Variants in E2F3 observed in about 807,000 individuals in gnomAD.
The protein encoded by E2F3 is E2F transcription factor 3, also known as transcription factor E2F3.
E2F3 carries 11 observed loss-of-function variants against 44.4 expected under a neutral mutation model. The ratio of observed to expected loss-of-function variants is 0.25; its 90% CI spans 0.16 to 0.41. The LOEUF is 0.41. Among genes scored for constraint, E2F3 ranks in the 10% least tolerant of loss-of-function variants. The pLI is 1.00. For synonymous variants in E2F3, 249 were observed against 253.0 expected, an observed-to-expected ratio of 0.98 and a Z score of 0.15; for missense variants, 487 against 583.6, an observed-to-expected ratio of 0.83 and a Z score of 1.70.
chr6:20,416,181 T>C (rs946348022), intron 1 of E2F3, among the ~76,000 whole-genome samples: 1 of 152,212 alleles, frequency 6.6e-6, no homozygotes, highest in African/African-American at 2.4e-5. Context: ...ATCATTATTG[T>C]GGTTGTCATT....
In E2F3 at chr6:20,454,063, C is replaced by G. The variant is rs117008644; in HGVS notation, c.394-25783C>G. 3.3e-5 allele frequency among the ~76,000 whole-genome samples: 5 copies of G among 152,332 alleles called. No individual in the cohort carries two copies. In the East Asian group the frequency reaches 9.6e-4, roughly 29 times the overall value. On this transcript the variant is annotated intron_variant, in intron 1 of 6. Coordinates refer to ENST00000346618, the MANE Select transcript of E2F3 (RefSeq NM_001949.5). Reference sequence around the variant, plus strand: ...TCTTAAGACCCTGTCTCCTTTCACTCAAAGTATTTGTCTCTTTATCACAAA... The same window carrying G: ...TCTTAAGACCCTGTCTCCTTTCACTGAAAGTATTTGTCTCTTTATCACAAA...
At chr6:20,416,316 G>C (rs548157542) in intron 1 of E2F3, among the ~76,000 whole-genome samples, 1 of 152,122 alleles carries the variant, frequency 6.6e-6, no homozygotes, top group Non-Finnish European at 1.5e-5. Context: ...CCACAGGGCC[G>C]GCTGACCCAT....
intron 1 of E2F3, among the ~76,000 whole-genome samples, chr6:20,463,148 G>C (rs890584100): frequency 1.3e-5 from 2 of 151,872 alleles, no homozygotes; most frequent in Non-Finnish European, 2.9e-5. Flanking sequence ...TTGAACTCCT[G>C]GTCTCAAGTG....
At chr6:20,461,065 C>T (rs1355564115) in intron 1 of E2F3, among the ~76,000 whole-genome samples, 1 of 147,506 alleles carries the variant, frequency 6.8e-6, no homozygotes, top group African/African-American at 2.5e-5. Context: ...AGGTAATCCT[C>T]CAAAATAGTT....
In E2F3 at chr6:20,482,840, G is replaced by A. The variant is rs1444097896; in HGVS notation, c.804G>A (p.Gln268=). ...CAAAAGAAGTGACCGAGCTCAGTCA[G>A]GAAGAGAAGAAATTAGATGAACTGA... The part of the protein sequence containing the change: ...GLSKEVTELS[Q]EEKKLDELIQ... Residue 268 remains glutamine, a synonymous_variant, in exon 4 of 7, where the codon CAG becomes CAA. Transcript: ENST00000346618. 3 of 1,613,628 alleles carry A rather than the reference G, an allele frequency of 1.9e-6. No individual in the cohort carries two copies. In the African/African-American group the frequency reaches 4.0e-5, roughly 22 times the overall value.
chr6:20,458,828 T>C (rs1761400467), intron 1 of E2F3, among the ~76,000 whole-genome samples: 1 of 152,254 alleles, frequency 6.6e-6, no homozygotes, highest in Admixed American at 6.5e-5. Context: ...AGAAAGGTTC[T>C]TCCATTATCT....
At chr6:20,416,413 A>C (rs1424516230) in intron 1 of E2F3, among the ~76,000 whole-genome samples, 1 of 152,132 alleles carries the variant, frequency 6.6e-6, no homozygotes, top group Non-Finnish European at 1.5e-5. Context: ...AACAGACAAA[A>C]TTCCCTGCCT....
At chr6:20,478,324 G>A (rs892517004) in intron 1 of E2F3, among the ~76,000 whole-genome samples, 6 of 152,130 alleles carry the variant, frequency 3.9e-5, no homozygotes, top group Non-Finnish European at 7.4e-5. Context: ...ACCCTGTTTT[G>A]TACTAAGTCT....
chr6:20,490,192 A>G lies in E2F3; in HGVS notation c.1160A>G (p.His387Arg), dbSNP rs1174079388. The change falls in exon 7 of 7, where the codon CAT becomes CGT. Residue 387 changes from histidine (H) to arginine (R), a missense_variant. Physicochemically the swap from His to Arg is conservative, Grantham distance 29. Around this residue, in one of 3 missense-constraint regions of E2F3, gnomAD observed 220 missense variants for 261.7 expected, o/e 0.84. Coordinates refer to ENST00000346618, the MANE Select transcript of E2F3 (RefSeq NM_001949.5). The surrounding 1 kb of genome is among the most constrained non-coding windows in gnomAD (Gnocchi z 4.3). ...GACTTGGCTTCAACCAACTCAGGAC[A>G]TAGCGATTGCTCAGTTTCTATGGGA... Reference protein sequence around the residue: ...SKDLASTNSGHSDCSVSMGNL... With the variant: ...SKDLASTNSGRSDCSVSMGNL... The G allele has an allele frequency of 6.8e-6, 11 of 1,613,370 alleles. No homozygotes were observed. Among genetic ancestry groups the G allele is most frequent in the Non-Finnish European group, 9.3e-6 (11 of 1,179,714 alleles).
chr6:20,419,573 A>C (rs1759957129), intron 1 of E2F3, among the ~76,000 whole-genome samples: 1 of 151,546 alleles, frequency 6.6e-6, no homozygotes, highest in Admixed American at 6.6e-5. Flanking sequence ...TTACTTACTT[A>C]CTTATTTTGA....
chr6:20,478,382 T>A (rs187747453), intron 1 of E2F3, among the ~76,000 whole-genome samples: 2 of 152,344 alleles, frequency 1.3e-5, no homozygotes, highest in East Asian at 1.9e-4. Flanking sequence ...TCAGTTTGGA[T>A]GAGCTAGTAA....
intron 1 of E2F3, among the ~76,000 whole-genome samples, chr6:20,461,857 G>A (rs943212854): frequency 1.1e-4 from 16 of 152,162 alleles, no homozygotes; most frequent in Non-Finnish European, 1.8e-4. Context: ...CTCTTCTCCC[G>A]AGGGGCCCTC....
At chr6:20,485,083 C>T (rs1232980083) in intron 4 of E2F3, among the ~76,000 whole-genome samples, 1 of 151,956 alleles carries the variant, frequency 6.6e-6, no homozygotes, top group African/African-American at 2.4e-5. Flanking sequence ...CGTTATACTA[C>T]CTGCTGAAAT....
rs774898549 is a variant in E2F3, at chr6:20,481,433, G to T, written c.725+8G>T. ...AAACAACGTCCAATGGATGTGAGTAGGAGTCCTCCCCATGCCCCGGCTCTG... is the reference window on the plus strand; with the variant it reads ...AAACAACGTCCAATGGATGTGAGTATGAGTCCTCCCCATGCCCCGGCTCTG... On this transcript the variant is annotated splice_region_variant and intron_variant, in intron 3 of 6. Transcript: ENST00000346618. 6.2e-7 allele frequency: 1 copy of T among 1,613,470 alleles called. No individual in the cohort carries two copies. Among genetic ancestry groups the T allele is most frequent in the African/African-American group, 1.3e-5 (1 of 74,888 alleles).
chr6:20,449,736 C>T, intron 1 of E2F3, among the ~76,000 whole-genome samples: 1 of 152,036 alleles, frequency 6.6e-6, no homozygotes, highest in Admixed American at 6.6e-5. Flanking sequence ...AAGCCTAGTA[C>T]CCATTAGTTA....
At chr6:20,437,467 A>G (rs563431275) in intron 1 of E2F3, among the ~76,000 whole-genome samples, 1 of 152,050 alleles carries the variant, frequency 6.6e-6, no homozygotes, top group South Asian at 2.1e-4. Context: ...AAGATCATAC[A>G]TTAAAGAATT....
intron 1 of E2F3, among the ~76,000 whole-genome samples, chr6:20,448,320 C>G (rs541405297): frequency 1.9e-4 from 29 of 152,128 alleles, no homozygotes; most frequent in Non-Finnish European, 4.3e-4. Flanking sequence ...CCTATAAATT[C>G]CTGGTATCCA....
At chr6:20,461,104 C>T (rs1212614701) in intron 1 of E2F3, among the ~76,000 whole-genome samples, 2 of 151,556 alleles carry the variant, frequency 1.3e-5, no homozygotes, top group Non-Finnish European at 2.9e-5. Context: ...ATTCTTCTGC[C>T]TCACTAATTG....
intron 1 of E2F3, among the ~76,000 whole-genome samples, chr6:20,476,243 C>T (rs146387404): frequency 0.029 from 4,432 of 152,100 alleles, 122 homozygotes; most frequent in African/African-American, 0.074. Flanking sequence ...TGGTGGCGGA[C>T]GCCTGTAGTC....
Sources: gnomAD v4.1 joint callset for allele counts (sites outside exome capture counted in the v4.1 genomes callset) on GRCh38, gnomAD v4.1.1 for gene constraint, gnomAD v4.1.1 regional missense constraint, Gnocchi (gnomAD v3.1) non-coding constraint, MANE v1.5 for transcripts, NCBI Gene and HGNC (gene_info 2026-07-23, HGNC 2026-07-21) for gene names.